RPIA: variants seen among roughly 807,000 people sequenced by gnomAD.
RPIA encodes the protein ribose-5-phosphate isomerase.
In RPIA, 29 loss-of-function variants were observed where a neutral mutation model predicts 37.8. The ratio of observed to expected loss-of-function variants is 0.77; its 90% CI spans 0.57 to 1.05. The LOEUF (loss-of-function observed/expected upper bound fraction) is 1.05. Ranked by LOEUF, RPIA falls within the 50% of genes least tolerant of loss-of-function variation. The pLI, the probability that RPIA is intolerant of heterozygous loss-of-function variation, is 0.00. For synonymous variants in RPIA, 167 were observed against 157.0 expected (o/e 1.06, Z -0.48); for missense variants, 385 against 413.6 (o/e 0.93, Z 0.60).
intron 1 of RPIA, among the ~76,000 whole-genome samples, chr2:88,697,343 A>G (rs1426199486): frequency 6.6e-6 from 1 of 152,268 alleles, no homozygotes; most frequent in Non-Finnish European, 1.5e-5. Context: ...CTTTATATTA[A>G]CATTTATAAG....
At chr2:88,722,800 C>A (rs1558695396) in intron 3 of RPIA, among the ~76,000 whole-genome samples, 1 of 152,152 alleles carries the variant, frequency 6.6e-6, no homozygotes, top group Non-Finnish European at 1.5e-5. Context: ...AAACAGAACA[C>A]CCCAACTGCG....
chr2:88,712,628 G>A (rs932103799), intron 3 of RPIA, among the ~76,000 whole-genome samples: 7 of 152,184 alleles, frequency 4.6e-5, no homozygotes, highest in African/African-American at 1.4e-4. Flanking sequence ...AGTGTGTTAT[G>A]TATGATTACT....
chr2:88,713,380 C>T (rs1672988248), intron 3 of RPIA, among the ~76,000 whole-genome samples: 1 of 151,876 alleles, frequency 6.6e-6, no homozygotes, highest in Admixed American at 6.6e-5. Context: ...CTACAGAGCA[C>T]TATGTTAAAT....
intron 1 of RPIA, among the ~76,000 whole-genome samples, chr2:88,697,991 C>A (rs1222782520): frequency 6.6e-6 from 1 of 152,032 alleles, no homozygotes; most frequent in Non-Finnish European, 1.5e-5. Context: ...AGGCTCCAGG[C>A]TCTATTGTTT....
chr2:88,714,210 G>A (rs894327283), intron 3 of RPIA, among the ~76,000 whole-genome samples: 7 of 150,948 alleles, frequency 4.6e-5, no homozygotes, highest in East Asian at 1.9e-4. Flanking sequence ...TCACTCTGTC[G>A]CCCAGGATGG....
chr2:88,705,870 A>G (rs981725584), intron 3 of RPIA, among the ~76,000 whole-genome samples: 4 of 152,204 alleles, frequency 2.6e-5, no homozygotes, highest in African/African-American at 4.8e-5. Context: ...AGAAAAAAAC[A>G]AACAGTCCTG....
chr2:88,692,116 G>T, intron 1 of RPIA, 133 bp downstream of exon 1: 1 of 1,154,182 alleles, frequency 8.7e-7, no homozygotes, highest in Non-Finnish European at 1.2e-6. Flanking sequence ...TAGAGGGTGT[G>T]CACTTTACCC....
chr2:88,739,109 T>C (rs1673352614), intron 8 of RPIA, among the ~76,000 whole-genome samples: 1 of 152,076 alleles, frequency 6.6e-6, no homozygotes, highest in Non-Finnish European at 1.5e-5. Flanking sequence ...TGGTCCAGGC[T>C]AGAGGAGGTA....
rs577039843 is a variant in RPIA at position 88,707,720 on chromosome 2, A to G, written c.402+7656A>G. 2.6e-5 allele frequency among the ~76,000 whole-genome samples: 4 copies of G among 152,376 alleles called. No homozygotes were observed. The East Asian group carries it at 7.7e-4, about 29-fold the overall frequency. ...CTCCTAGGACAAGAGATGCTATGGC[A>G]AGGCACATAAGCTGCAGCTAAATGT... On this transcript the variant is annotated intron_variant, in intron 3 of 8. Coordinates refer to ENST00000283646, the MANE Select transcript of RPIA (RefSeq NM_144563.3).
At chr2:88,736,488 G>A (rs371054424) in intron 6 of RPIA, 47 bp from the exon 7 acceptor site, 113 of 1,611,238 alleles carry the variant, frequency 7.0e-5, no homozygotes, top group Non-Finnish European at 7.8e-5. Context: ...TGCCTGTACT[G>A]TTGAGCTTAT....
intron 8 of RPIA, among the ~76,000 whole-genome samples, chr2:88,741,223 C>A (rs1673378190): frequency 6.6e-6 from 1 of 152,132 alleles, no homozygotes; most frequent in Non-Finnish European, 1.5e-5. Flanking sequence ...CTCACCCTTT[C>A]CCCTGAGTCC....
intron 7 of RPIA, among the ~76,000 whole-genome samples, chr2:88,737,328 A>G (rs1673326888): frequency 1.3e-5 from 2 of 152,114 alleles, no homozygotes. Context: ...AAGATCTGTC[A>G]CCCTACCCTG....
In RPIA at chr2:88,750,472, A is replaced by G; in HGVS notation, c.*394A>G. 2.3e-6 allele frequency: 1 copy of G among 433,312 alleles called. No individual in the cohort carries two copies. The highest frequency in any genetic ancestry group is 4.1e-6 in the Non-Finnish European group (1 of 246,438). The allele number at this position is 433,312 out of a possible 1,614,324, so 26.8% of individuals were successfully genotyped here. A position where few individuals can be genotyped will look rare whatever the true frequency, so the allele number is the denominator to read the frequency against. On this transcript the variant is annotated 3_prime_UTR_variant, in exon 9 of 9. Coordinates refer to ENST00000283646, the MANE Select transcript of RPIA (RefSeq NM_144563.3). Reference sequence around the variant, plus strand: ...AAATCAAAACTTCTTTAAGCTGGTAAAGTGAGGGGCCCACCAGCAGTGATC... The same window carrying G: ...AAATCAAAACTTCTTTAAGCTGGTAGAGTGAGGGGCCCACCAGCAGTGATC...
At chr2:88,706,138 T>C (rs1008249048) in intron 3 of RPIA, among the ~76,000 whole-genome samples, 1 of 152,174 alleles carries the variant, frequency 6.6e-6, no homozygotes, top group African/African-American at 2.4e-5. Context: ...TTGTGGAAGA[T>C]GGTGCGGCGA....
At chr2:88,736,444 C>A in intron 6 of RPIA, 91 bp from the exon 7 acceptor site, 2 of 1,411,376 alleles carry the variant, frequency 1.4e-6, no homozygotes, top group Admixed American at 1.7e-5. Flanking sequence ...TGCCTTCCCA[C>A]CATCTCATTA....
At chr2:88,716,181 C>T (rs565916201) in intron 3 of RPIA, among the ~76,000 whole-genome samples, 5 of 152,142 alleles carry the variant, frequency 3.3e-5, no homozygotes, top group African/African-American at 1.2e-4. Flanking sequence ...AGTGGATAGC[C>T]GCTTGAGGAC....
chr2:88,745,298 G>T (rs558789867), intron 8 of RPIA, among the ~76,000 whole-genome samples: 1 of 151,730 alleles, frequency 6.6e-6, no homozygotes, highest in Admixed American at 6.6e-5. Flanking sequence ...GAGATATGAG[G>T]TATTATTTTA....
At chr2:88,733,484 AAG>A (rs1673277246) in intron 4 of RPIA, among the ~76,000 whole-genome samples, 1 of 152,100 alleles carries the variant, frequency 6.6e-6, no homozygotes, top group Non-Finnish European at 1.5e-5. Context: ...AGCAGCTGTG[AAG>A]AGAGTGGTTT....
At chr2:88,729,761 C>G (rs1159169700) in intron 4 of RPIA, among the ~76,000 whole-genome samples, 1 of 13,010 alleles carries the variant, frequency 7.7e-5, no homozygotes, top group Non-Finnish European at 1.7e-4. Context: ...ACAAAAAACC[C>G]TTCAAAAAAT....
Sources: allele counts gnomAD v4.1 joint callset (sites outside exome capture counted in the v4.1 genomes callset), GRCh38; gene constraint gnomAD v4.1.1; transcripts MANE v1.5; gene names NCBI Gene and HGNC (gene_info 2026-07-23, HGNC 2026-07-21).